MRPS6: variants seen among roughly 807,000 people sequenced by gnomAD.
MRPS6 encodes the protein small ribosomal subunit protein bS6m.
A neutral mutation model predicts 13.1 loss-of-function variants in MRPS6; 6 were observed. That is an observed-to-expected ratio of 0.46 (90% CI 0.25 to 0.91). The LOEUF (loss-of-function observed/expected upper bound fraction) is 0.91, where lower values mean the gene tolerates loss of function less well. Ranked by LOEUF, MRPS6 falls within the 40% of genes least tolerant of loss-of-function variation. The probability of loss-of-function intolerance (pLI) is 0.18; values close to 1 mark genes in which losing one functional copy is unlikely to be tolerated. For missense variants in MRPS6, 164 were observed against 155.6 expected, an observed-to-expected ratio of 1.05 and a Z score of -0.29; for synonymous variants, 61 against 56.5, an observed-to-expected ratio of 1.08 and a Z score of -0.36.
At chr21:34,111,195 G>A (rs1421329118) in intron 1 of MRPS6, among the ~76,000 whole-genome samples, 1 of 152,110 alleles carries the variant, frequency 6.6e-6, no homozygotes, top group Admixed American at 6.6e-5. Context: ...TTGATTTGGG[G>A]GCTACAAATA....
At chr21:34,120,810 C>G (rs913048427) in intron 1 of MRPS6, among the ~76,000 whole-genome samples, 5 of 152,104 alleles carry the variant, frequency 3.3e-5, no homozygotes, top group Non-Finnish European at 7.4e-5. Context: ...CATTTTGGTA[C>G]TGCGTGAAGT....
At chr21:34,081,379 A>G (rs554898994) in intron 1 of MRPS6, among the ~76,000 whole-genome samples, 1 of 152,310 alleles carries the variant, frequency 6.6e-6, no homozygotes, top group Admixed American at 6.5e-5. Context: ...TACTTAATAA[A>G]ATACTTAAGG....
intron 1 of MRPS6, chr21:34,102,333 C>T (rs543337624): frequency 1.8e-5 from 18 of 999,108 alleles, no homozygotes; most frequent in Non-Finnish European, 2.2e-5. Flanking sequence ...CTTTAAATTA[C>T]TGATTCACCT....
chr21:34,110,285 G>A (rs1419315617), intron 1 of MRPS6, among the ~76,000 whole-genome samples: 1 of 152,170 alleles, frequency 6.6e-6, no homozygotes, highest in East Asian at 1.9e-4. Flanking sequence ...GCAACATAAC[G>A]AAACCCCATA....
intron 1 of MRPS6, among the ~76,000 whole-genome samples, chr21:34,083,963 C>G (rs1032104804): frequency 4.6e-5 from 7 of 152,288 alleles, no homozygotes; most frequent in African/African-American, 1.7e-4. Context: ...ATTTTTCTAT[C>G]CCTCTACTTG....
At chr21:34,126,706 G>A (rs1486220384) in intron 2 of MRPS6, among the ~76,000 whole-genome samples, 2 of 152,194 alleles carry the variant, frequency 1.3e-5, no homozygotes, top group Non-Finnish European at 2.9e-5. Flanking sequence ...AACTGTCCGA[G>A]AGTCATTAGC....
At chr21:34,081,186 T>C (rs745737210) in intron 1 of MRPS6, among the ~76,000 whole-genome samples, 1 of 152,118 alleles carries the variant, frequency 6.6e-6, no homozygotes, top group Admixed American at 6.6e-5. Context: ...TTTTAAACTT[T>C]CCACTTTAAT....
chr21:34,079,215 G>A (rs1989402914), intron 1 of MRPS6, among the ~76,000 whole-genome samples: 1 of 152,144 alleles, frequency 6.6e-6, no homozygotes, highest in Non-Finnish European at 1.5e-5. Flanking sequence ...ATACTTTATG[G>A]CACTTGAATT....
At chr21:34,085,600 C>CTTTTTT (rs56135810) in intron 1 of MRPS6, among the ~76,000 whole-genome samples, 1 of 130,270 alleles carries the variant, frequency 7.7e-6, no homozygotes, top group Non-Finnish European at 1.6e-5. Context: ...GAAATAAGGA[C>CTTTTTT]TTTTTTTTTT....
chr21:34,140,153 C>G (rs1233182016), intron 2 of MRPS6, among the ~76,000 whole-genome samples: 1 of 151,204 alleles, frequency 6.6e-6, no homozygotes, highest in Non-Finnish European at 1.5e-5. Context: ...TCTCTCTTCT[C>G]ATCTTACTGG....
chr21:34,140,882 T>A (rs986196792), intron 2 of MRPS6, among the ~76,000 whole-genome samples: 1 of 152,238 alleles, frequency 6.6e-6, no homozygotes, highest in African/African-American at 2.4e-5. Flanking sequence ...TTTTGATTAG[T>A]GTTTTTGGTT....
At chr21:34,093,398 GT>G (rs758322723) in intron 1 of MRPS6, among the ~76,000 whole-genome samples, 2 of 152,146 alleles carry the variant, frequency 1.3e-5, no homozygotes, top group Non-Finnish European at 2.9e-5. Flanking sequence ...TATCCAGGCA[GT>G]TTTTTCTGCA....
chr21:34,122,126 T>C (rs1038467215), intron 1 of MRPS6: 1 of 152,162 alleles, frequency 6.6e-6, no homozygotes, highest in Non-Finnish European at 1.5e-5. Context: ...GAACCAGGGG[T>C]TGGCCAGATA....
chr21:34,099,949 A>G (rs910303560), intron 1 of MRPS6: 8 of 420,662 alleles, frequency 1.9e-5, no homozygotes, highest in East Asian at 1.6e-4. Flanking sequence ...TCTTCAATCT[A>G]TATTTCATTA....
At chr21:34,084,014 A>G (rs766190837) in intron 1 of MRPS6, among the ~76,000 whole-genome samples, 31 of 152,302 alleles carry the variant, frequency 2.0e-4, no homozygotes, top group Non-Finnish European at 4.0e-4. Context: ...AGCTGCCTTT[A>G]TAATCTAGAA....
At chr21:34,105,486 A>C (rs1398341982) in intron 1 of MRPS6, 1 of 999,770 alleles carries the variant, frequency 1.0e-6, no homozygotes, top group African/African-American at 1.7e-5. Flanking sequence ...TAATTTTGAT[A>C]TGTAAGTATT....
intron 1 of MRPS6, chr21:34,123,868 C>G (rs1205879728): frequency 1.3e-5 from 2 of 152,162 alleles, no homozygotes; most frequent in African/African-American, 4.8e-5. Flanking sequence ...GCGGCTTTTT[C>G]TTGATCTCTG....
At chr21:34,116,178 T>TTGTGTGTGTGTGTGTG (rs57694757) in intron 1 of MRPS6, among the ~76,000 whole-genome samples, 35 of 141,384 alleles carry the variant, frequency 2.5e-4, no homozygotes, top group South Asian at 7.1e-4. Context: ...CCAGCTAATT[T>TTGTGTGTGTGTGTGTG]TGTGTGTGTG....
intron 1 of MRPS6, among the ~76,000 whole-genome samples, chr21:34,094,708 C>T (rs1978885764): frequency 6.6e-6 from 1 of 150,976 alleles, no homozygotes; most frequent in Non-Finnish European, 1.5e-5. Flanking sequence ...ATATAGATTG[C>T]TCTTTCCTGT....
Sources: gnomAD v4.1 joint callset for allele counts (sites outside exome capture counted in the v4.1 genomes callset) on GRCh38, gnomAD v4.1.1 for gene constraint, MANE v1.5 for transcripts, NCBI Gene and HGNC (gene_info 2026-07-23, HGNC 2026-07-21) for gene names.